The following EDIL3 variants were observed in gnomAD, a reference collection of about 807,000 sequenced individuals.
EDIL3 encodes the protein EGF like and discoidin domains 3, also known as EGF-like repeat and discoidin I-like domain-containing protein 3.
EDIL3 carries 37 observed loss-of-function variants against 67.4 expected under a neutral mutation model. That is an observed-to-expected ratio of 0.55 (90% CI 0.42 to 0.72). EDIL3 has a LOEUF of 0.72. EDIL3 is among the 30% of genes least tolerant of loss of function. The probability of loss-of-function intolerance (pLI) is 0.00; values close to 1 mark genes in which losing one functional copy is unlikely to be tolerated. For synonymous variants in EDIL3, 195 were observed against 196.3 expected (o/e 0.99, Z 0.05); for missense variants, 527 against 586.3 (o/e 0.90, Z 1.04).
chr5:84,375,016 A>C (rs1747939852), intron 1 of EDIL3, among the ~76,000 whole-genome samples: 3 of 151,126 alleles, frequency 2.0e-5, no homozygotes, highest in Non-Finnish European at 4.4e-5. Flanking sequence ...TCTGTCACCA[A>C]GCTGAAGTGC....
chr5:84,245,436 A>C (rs559306372), intron 2 of EDIL3, among the ~76,000 whole-genome samples: 1 of 152,290 alleles, frequency 6.6e-6, no homozygotes, highest in African/African-American at 2.4e-5. Context: ...TAACATTTCA[A>C]CACCTTGTCA....
At chr5:84,149,331 C>A (rs1411386746) in intron 4 of EDIL3, among the ~76,000 whole-genome samples, 1 of 152,052 alleles carries the variant, frequency 6.6e-6, no homozygotes, top group Admixed American at 6.6e-5. Flanking sequence ...CCAGAGGGAG[C>A]AATACTTGGA....
chr5:83,951,195 A>T (rs1744414637), intron 10 of EDIL3, among the ~76,000 whole-genome samples: 1 of 151,790 alleles, frequency 6.6e-6, no homozygotes, highest in Non-Finnish European at 1.5e-5. Context: ...CACGGGCATG[A>T]TCCATTTAAA....
At chr5:84,360,471 C>T (rs965854330) in intron 1 of EDIL3, among the ~76,000 whole-genome samples, 2 of 152,138 alleles carry the variant, frequency 1.3e-5, no homozygotes, top group South Asian at 4.1e-4. Context: ...CCTGGAAATA[C>T]ATTCAATTCC....
rs749584433 is a variant in EDIL3, at chr5:84,251,414, C to CT, written c.196+2669dup. 6.5e-3 allele frequency among the ~76,000 whole-genome samples: 904 copies of CT among 138,632 alleles called. 4 individuals are homozygous for CT. Among genetic ancestry groups the CT allele is most frequent in the African/African-American group, 0.018 (686 of 37,938 alleles). The allele number at this position is 138,632 out of a possible 152,430, so 90.9% of individuals were successfully genotyped here. On this transcript the variant is annotated intron_variant, in intron 2 of 10. Transcript: ENST00000296591. ...ACCAGCGTGAGCCACCACGCCCGGC[C>CT]TTTTTTTTTTTTTCGAAACAAAAAC...
intron 3 of EDIL3, among the ~76,000 whole-genome samples, chr5:84,181,866 G>A (rs1200768348): frequency 1.3e-5 from 2 of 152,098 alleles, no homozygotes; most frequent in Non-Finnish European, 2.9e-5. Flanking sequence ...GAAAAGAAAA[G>A]CCACTGAAGA....
intron 9 of EDIL3, among the ~76,000 whole-genome samples, chr5:84,001,435 A>G (rs1242774100): frequency 6.6e-6 from 1 of 152,176 alleles, no homozygotes; most frequent in Non-Finnish European, 1.5e-5. Context: ...ACATAAAATT[A>G]GTAGAAGAAG....
chr5:84,072,233 T>A (rs890128332), intron 6 of EDIL3, among the ~76,000 whole-genome samples: 1 of 151,966 alleles, frequency 6.6e-6, no homozygotes, highest in Non-Finnish European at 1.5e-5. Context: ...TCATAGCAAA[T>A]GGTTGATCAA....
At chr5:84,090,116 AAAAATCC>A (rs1747138258) in intron 6 of EDIL3, among the ~76,000 whole-genome samples, 1 of 152,206 alleles carries the variant, frequency 6.6e-6, no homozygotes, top group South Asian at 2.1e-4. Context: ...TGTTGTAGGC[AAAAATCC>A]AATCCCTTGG....
intron 1 of EDIL3, among the ~76,000 whole-genome samples, chr5:84,327,160 A>G (rs1746779332): frequency 6.6e-6 from 1 of 152,018 alleles, no homozygotes; most frequent in African/African-American, 2.4e-5. Flanking sequence ...AATTTCTAGT[A>G]TATAATACAT....
chr5:84,205,296 G>C (rs1743946719), intron 3 of EDIL3, among the ~76,000 whole-genome samples: 1 of 151,806 alleles, frequency 6.6e-6, no homozygotes. Context: ...TTTTTTGTGT[G>C]GATTTTAGAC....
At chr5:84,233,109 A>C in intron 2 of EDIL3, among the ~76,000 whole-genome samples, 1 of 152,220 alleles carries the variant, frequency 6.6e-6, no homozygotes, top group East Asian at 1.9e-4. Context: ...GCAACCCAAC[A>C]AATAAGTGTA....
At chr5:83,982,428 T>C (rs549984575) in intron 9 of EDIL3, among the ~76,000 whole-genome samples, 3 of 152,218 alleles carry the variant, frequency 2.0e-5, no homozygotes, top group Admixed American at 6.5e-5. Context: ...AATTATTCCA[T>C]GGCAAATCTC....
At chr5:84,048,951 T>A (rs910520042) in intron 9 of EDIL3, among the ~76,000 whole-genome samples, 39 of 152,274 alleles carry the variant, frequency 2.6e-4, no homozygotes, top group African/African-American at 8.4e-4. Flanking sequence ...ATCTTAACAA[T>A]GTTTAATTTC....
At chr5:84,034,591 G>A (rs183843899) in intron 9 of EDIL3, among the ~76,000 whole-genome samples, 2 of 152,188 alleles carry the variant, frequency 1.3e-5, no homozygotes, top group Admixed American at 6.5e-5. Flanking sequence ...ATATCCAAGT[G>A]GGGAAAAAGA....
At chr5:83,996,479 G>T (rs2112164779) in intron 9 of EDIL3, among the ~76,000 whole-genome samples, 1 of 152,276 alleles carries the variant, frequency 6.6e-6, no homozygotes, top group East Asian at 1.9e-4. Context: ...GCCAGGTGAA[G>T]ATTTATTTGT....
At chr5:84,332,297 G>A (rs1001615294) in intron 1 of EDIL3, among the ~76,000 whole-genome samples, 7 of 152,066 alleles carry the variant, frequency 4.6e-5, no homozygotes, top group Non-Finnish European at 7.4e-5. Context: ...ACTTGAGCGC[G>A]GGGGTTGGAA....
At chr5:84,023,376 G>A (rs948585074) in intron 9 of EDIL3, among the ~76,000 whole-genome samples, 1 of 151,998 alleles carries the variant, frequency 6.6e-6, no homozygotes, top group Non-Finnish European at 1.5e-5. Context: ...AATGTACAGA[G>A]TAGTACACAA....
At chr5:84,039,996 G>T (rs189052772) in intron 9 of EDIL3, among the ~76,000 whole-genome samples, 125 of 152,096 alleles carry the variant, frequency 8.2e-4, no homozygotes, top group African/African-American at 3.0e-3. Context: ...TATCCTTTAA[G>T]CACTTTATAA....
Sources: allele counts gnomAD v4.1 joint callset (sites outside exome capture counted in the v4.1 genomes callset), GRCh38; gene constraint gnomAD v4.1.1; transcripts MANE v1.5; gene names NCBI Gene and HGNC (gene_info 2026-07-23, HGNC 2026-07-21).